Variants in KDM4C observed in about 807,000 individuals in gnomAD.
KDM4C encodes lysine demethylase 4C.
Under a neutral mutation model 129.3 loss-of-function variants are expected in KDM4C, and 81 were observed. The observed-to-expected ratio is 0.63, with a 90% CI of 0.52 to 0.75. The LOEUF (loss-of-function observed/expected upper bound fraction) is 0.75. Among genes scored for constraint, KDM4C ranks in the 30% least tolerant of loss-of-function variants. The pLI is 0.00. For missense variants in KDM4C, 1,457 were observed against 1,304.0 expected (o/e 1.12, Z -1.81); for synonymous variants, 573 against 456.1 (o/e 1.26, Z -3.26).
intron 1 of KDM4C, among the ~76,000 whole-genome samples, chr9:6,728,398 G>T (rs921792622): frequency 6.6e-6 from 1 of 152,070 alleles, no homozygotes; most frequent in Non-Finnish European, 1.5e-5. Context: ...GCTGGGCACA[G>T]TGGAACGCGC....
intron 8 of KDM4C, among the ~76,000 whole-genome samples, chr9:6,925,983 C>T (rs536175894): frequency 6.6e-6 from 1 of 152,242 alleles, no homozygotes; most frequent in South Asian, 2.1e-4. Context: ...GTAAAGTACC[C>T]TGGATTCCTC....
At chr9:6,888,189 T>C (rs905762257) in intron 7 of KDM4C, 126 bp downstream of exon 7, 11 of 441,068 alleles carry the variant, frequency 2.5e-5, no homozygotes, top group African/African-American at 2.3e-4. Context: ...ATTTATGTTT[T>C]ATAGCATATC....
intron 17 of KDM4C, among the ~76,000 whole-genome samples, chr9:7,101,554 A>G (rs1167646640): frequency 1.3e-5 from 2 of 152,140 alleles, no homozygotes; most frequent in East Asian, 3.8e-4. Context: ...TTTACTTCCT[A>G]AGGAAACTGT....
chr9:6,807,494 C>T (rs1281745102), intron 3 of KDM4C, among the ~76,000 whole-genome samples: 1 of 146,920 alleles, frequency 6.8e-6, no homozygotes, highest in African/African-American at 2.5e-5. Flanking sequence ...TCTGCCCGGC[C>T]GCCCATCGTC....
intron 8 of KDM4C, among the ~76,000 whole-genome samples, chr9:6,970,839 C>T (rs770111900): frequency 7.2e-6 from 1 of 138,356 alleles, no homozygotes; most frequent in East Asian, 2.6e-4. Flanking sequence ...CAGGGTACCT[C>T]CTCTTAGGAA....
intron 4 of KDM4C, among the ~76,000 whole-genome samples, chr9:6,832,428 C>CTT (rs758428561): frequency 2.0e-4 from 27 of 133,760 alleles, no homozygotes; most frequent in African/African-American, 5.2e-4. Flanking sequence ...TCTTTTTTTT[C>CTT]TTTTTTTTTT....
At chr9:6,887,911 T>G (rs1014188743) in intron 6 of KDM4C, 49 bp from the exon 7 acceptor site, 1 of 1,094,224 alleles carries the variant, frequency 9.1e-7, no homozygotes, top group Admixed American at 1.7e-5. Flanking sequence ...CTATTTGATA[T>G]TTTCTCTTAA....
At chr9:6,846,440 C>T (rs1837864694) in intron 4 of KDM4C, among the ~76,000 whole-genome samples, 1 of 152,110 alleles carries the variant, frequency 6.6e-6, no homozygotes, top group African/African-American at 2.4e-5. Flanking sequence ...GTATATGAGA[C>T]AGACCTGGTA....
chr9:6,894,756 T>C (rs1324585382), intron 8 of KDM4C, among the ~76,000 whole-genome samples: 3 of 152,192 alleles, frequency 2.0e-5, no homozygotes, highest in Non-Finnish European at 2.9e-5. Context: ...TGCTCCTCTC[T>C]GAAATCCCAG....
intron 1 of KDM4C, among the ~76,000 whole-genome samples, chr9:6,742,204 T>C (rs1018847841): frequency 6.6e-6 from 1 of 151,014 alleles, no homozygotes; most frequent in Admixed American, 6.6e-5. Flanking sequence ...TTAGTAGAGA[T>C]GGGGTTTCAC....
At chr9:6,815,605 C>T (rs1303475118) in intron 4 of KDM4C, among the ~76,000 whole-genome samples, 1 of 152,174 alleles carries the variant, frequency 6.6e-6, no homozygotes, top group Non-Finnish European at 1.5e-5. Context: ...TTCACTAGTA[C>T]AGGTTAAGCA....
intron 12 of KDM4C, among the ~76,000 whole-genome samples, chr9:6,999,200 C>A (rs544721497): frequency 7.2e-4 from 110 of 152,300 alleles, no homozygotes; most frequent in African/African-American, 2.6e-3. Context: ...CTGCTCCTGG[C>A]AAGCTGTTAC....
rs1302659542 is a variant in KDM4C at position 6,905,846 on chromosome 9, G to T, written c.921+12614G>T. 3.3e-5 allele frequency among the ~76,000 whole-genome samples: 5 copies of T among 152,202 alleles called. No homozygotes were observed. The East Asian group carries it at 9.6e-4, about 29-fold the overall frequency. ...CAGACTGAAAAATGTGCTGAGCACA[G>T]ATTCTCCTTCAATTCCTATTACCCT... On this transcript the variant is annotated intron_variant, in intron 8 of 21. Transcript: ENST00000381309.
intron 4 of KDM4C, among the ~76,000 whole-genome samples, chr9:6,817,500 C>T (rs76304380): frequency 0.044 from 6,637 of 152,082 alleles, 200 homozygotes; most frequent in East Asian, 0.15. Context: ...CCACTGTGCC[C>T]AGCCCAGCAA....
At chr9:6,734,220 TC>T (rs1296633733) in intron 1 of KDM4C, among the ~76,000 whole-genome samples, 1 of 151,990 alleles carries the variant, frequency 6.6e-6, no homozygotes, top group Non-Finnish European at 1.5e-5. Context: ...ATTGATCTTT[TC>T]TAGGCTGCTA....
chr9:6,973,623 T>G (rs992420535), intron 8 of KDM4C, among the ~76,000 whole-genome samples: 1 of 152,214 alleles, frequency 6.6e-6, no homozygotes, highest in Admixed American at 6.5e-5. Context: ...TTGAAAATTG[T>G]TATTTTTGTT....
At chr9:6,795,395 G>A (rs139619053) in intron 2 of KDM4C, among the ~76,000 whole-genome samples, 4 of 152,290 alleles carry the variant, frequency 2.6e-5, no homozygotes, top group East Asian at 3.9e-4. Context: ...GCAGAGGCAC[G>A]ATCTCAGCTC....
At chr9:7,095,416 C>A (rs1361125487) in intron 17 of KDM4C, among the ~76,000 whole-genome samples, 2 of 152,172 alleles carry the variant, frequency 1.3e-5, no homozygotes, top group Non-Finnish European at 2.9e-5. Context: ...TACCTTTAGG[C>A]CTTCAGGCCC....
chr9:6,932,249 G>A lies in KDM4C; in HGVS notation c.921+39017G>A, dbSNP rs10975911. On this transcript the variant is annotated intron_variant, in intron 8 of 21. Coordinates refer to ENST00000381309, the MANE Select transcript of KDM4C (RefSeq NM_015061.6). ...TCCCCTTCAGAACAGAGTGGAAGCC[G>A]GAGTGCAGAGGGAGGACTGTGTGTA... Among the ~76,000 whole-genome samples the A allele has an allele frequency of 2.4e-3, 368 of 152,320 alleles. 3 individuals are homozygous for A. The East Asian group carries it at 0.025, about 10-fold the overall frequency.
Sources: allele counts gnomAD v4.1 joint callset (sites outside exome capture counted in the v4.1 genomes callset), GRCh38; gene constraint gnomAD v4.1.1; transcripts MANE v1.5; gene names NCBI Gene and HGNC (gene_info 2026-07-23, HGNC 2026-07-21).